Variants in SLC5A4 observed in about 807,000 individuals in gnomAD.
SLC5A4 encodes probable glucose sensor protein SLC5A4.
SLC5A4 carries 55 observed loss-of-function variants against 70.3 expected under a neutral mutation model. The ratio of observed to expected loss-of-function variants is 0.78; its 90% CI spans 0.63 to 0.98. The LOEUF (loss-of-function observed/expected upper bound fraction) is 0.98. Among genes scored for constraint, SLC5A4 ranks in the 50% least tolerant of loss-of-function variants. The pLI is 0.00. For synonymous variants in SLC5A4, 268 were observed against 305.7 expected, an observed-to-expected ratio of 0.88 and a Z score of 1.29; for missense variants, 735 against 839.2, an observed-to-expected ratio of 0.88 and a Z score of 1.53.
At chr22:32,272,452 G>C in the SLC5A4 span, 1 of 812,490 alleles carries the variant, frequency 1.2e-6, no homozygotes, top group Non-Finnish European at 2.1e-6. Context: ...GATGATCAGC[G>C]TCAGGAACTT....
chr22:32,290,044 G>A, the SLC5A4 span, among the ~76,000 whole-genome samples: 6 of 151,400 alleles, frequency 4.0e-5, no homozygotes, highest in Non-Finnish European at 7.4e-5. Flanking sequence ...TTCCTTAAAT[G>A]TTTGGTTGAA....
At chr22:32,319,686 C>G in the SLC5A4 span, among the ~76,000 whole-genome samples, 1 of 152,218 alleles carries the variant, frequency 6.6e-6, no homozygotes, top group African/African-American at 2.4e-5. Context: ...CCCAGATAAA[C>G]CCAAGGCTGA....
intron 10 of SLC5A4, 36 bp downstream of exon 10, chr22:32,230,932 G>T: frequency 7.4e-7 from 1 of 1,343,436 alleles, no homozygotes; most frequent in Non-Finnish European, 1.1e-6. Context: ...TCTTAGACAG[G>T]CCTCTGGGGC....
At chr22:32,222,056 C>G (rs2123863677) in intron 13 of SLC5A4, among the ~76,000 whole-genome samples, 1 of 152,328 alleles carries the variant, frequency 6.6e-6, no homozygotes, top group Non-Finnish European at 1.5e-5. Context: ...TGCGCCCAGC[C>G]TATCAATGGT....
rs561717943 is a variant in SLC5A4, at chr22:32,218,536, A to G, written c.1958T>C (p.Phe653Ser). The G allele has an allele frequency of 3.1e-6, 5 of 1,613,618 alleles. No individual in the cohort carries two copies. In the African/African-American group the frequency reaches 5.3e-5, roughly 17 times the overall value. The change falls in exon 15 of 15, where the codon TTT becomes TCT. Residue 653 changes from phenylalanine (F) to serine (S), a missense_variant. Transcript: ENST00000266086. ...NAILLLAVVV[F>S]IHGYYA The stretch of plus-strand genomic sequence containing the variant: ...AGTTCAGGCATAGTAGCCGTGAATA[A>G]AGACCACCACAGCCAGGAGGAGGAT...
chr22:32,226,766 G>A (rs1360148433), intron 11 of SLC5A4, among the ~76,000 whole-genome samples: 4 of 151,948 alleles, frequency 2.6e-5, no homozygotes, highest in Non-Finnish European at 5.9e-5. Flanking sequence ...ATAAAATCCC[G>A]TCTTGTTATG....
Position 32,234,887 on chromosome 22 carries a change from A to C in SLC5A4, c.871T>G (p.Trp291Gly), listed in dbSNP as rs567563407. ...FGMPITALWYWCTNQVIVQRC... is the reference protein window; with the variant it reads ...FGMPITALWYGCTNQVIVQRC... ...ATATACTTCACCTGATTTGTGCACC[A>C]GTACCACAAAGCTGTAATGGGCATT... The change falls in exon 8 of 15, where the codon TGG becomes GGG. Residue 291 changes from tryptophan (W) to glycine (G), a missense_variant. Transcript: ENST00000266086. The C allele has an allele frequency of 1.4e-5, 23 of 1,610,056 alleles. No individual in the cohort carries two copies. In the East Asian group the frequency reaches 4.0e-4, roughly 28 times the overall value.
chr22:32,296,451 CTCTG>C, the SLC5A4 span, among the ~76,000 whole-genome samples: 2 of 67,742 alleles, frequency 3.0e-5, no homozygotes, highest in Non-Finnish European at 5.8e-5. Flanking sequence ...TGATTTGGCT[CTCTG>C]TCTGTTGTTG....
chr22:32,260,086 A>G (rs1197470482), upstream of SLC5A4, among the ~76,000 whole-genome samples: 1 of 152,172 alleles, frequency 6.6e-6, no homozygotes, highest in Non-Finnish European at 1.5e-5. Flanking sequence ...GGGCTTGTAA[A>G]CATTGACCAC....
chr22:32,310,081 T>TGG, the SLC5A4 span, among the ~76,000 whole-genome samples: 1 of 39,352 alleles, frequency 2.5e-5, no homozygotes, highest in African/African-American at 1.3e-4. Context: ...GGACGGGGGA[T>TGG]GGGGGGGGTG....
At chr22:32,308,022 A>G in the SLC5A4 span, among the ~76,000 whole-genome samples, 1 of 152,138 alleles carries the variant, frequency 6.6e-6, no homozygotes, top group African/African-American at 2.4e-5. Flanking sequence ...CAACATTGAT[A>G]AGACATGTTC....
chr22:32,321,598 C>T, the SLC5A4 span, among the ~76,000 whole-genome samples: 1 of 152,120 alleles, frequency 6.6e-6, no homozygotes, highest in Non-Finnish European at 1.5e-5. Context: ...GTTATTTTTT[C>T]CTGGTCCTCC....
the SLC5A4 span, among the ~76,000 whole-genome samples, chr22:32,335,520 C>T: frequency 0.018 from 2,779 of 152,228 alleles, 45 homozygotes; most frequent in Non-Finnish European, 0.029. Context: ...CTAGGCCCTC[C>T]CCACATCCCC....
At chr22:32,314,245 G>GCACACACCTCTATCCAGCATAC in the SLC5A4 span, among the ~76,000 whole-genome samples, 1 of 152,034 alleles carries the variant, frequency 6.6e-6, no homozygotes, top group Non-Finnish European at 1.5e-5. Context: ...TTTCTCCATA[G>GCACACACCTCTATCCAGCATAC]CACACACCTC....
the SLC5A4 span, among the ~76,000 whole-genome samples, chr22:32,328,348 G>T: frequency 6.6e-6 from 1 of 152,128 alleles, no homozygotes; most frequent in African/African-American, 2.4e-5. Context: ...GAGCCAAGTG[G>T]CTCGCTTGTA....
intron 2 of SLC5A4, among the ~76,000 whole-genome samples, chr22:32,252,321 C>T (rs750640527): frequency 6.6e-5 from 10 of 151,986 alleles, no homozygotes; most frequent in Non-Finnish European, 1.5e-4. Context: ...GGCCCCTGGG[C>T]TAATCCAGCC....
the SLC5A4 span, among the ~76,000 whole-genome samples, chr22:32,312,043 C>G: frequency 6.6e-4 from 100 of 152,090 alleles, no homozygotes; most frequent in Non-Finnish European, 1.2e-3. Flanking sequence ...ACCTGCCTCC[C>G]ACGTGGTGAG....
rs796617856 is a variant in SLC5A4, at chr22:32,245,568, C to T, written c.477+1843G>A. Among the ~76,000 whole-genome samples, 12 of 152,118 alleles carry T rather than the reference C, an allele frequency of 7.9e-5. No homozygotes were observed. In the South Asian group the frequency reaches 8.3e-4, roughly 11 times the overall value. ...CGGAGTCTCGCTCTTGTCACTAGGC[C>T]GGAGTGCAGTCGCGCGATCTCGGTT... On this transcript the variant is annotated intron_variant, in intron 5 of 14. Transcript: ENST00000266086.
chr22:32,352,099 G>A, the SLC5A4 span, among the ~76,000 whole-genome samples: 1 of 152,002 alleles, frequency 6.6e-6, no homozygotes. Flanking sequence ...AAAAAATGAT[G>A]AGTTCATGGC....
Sources: gnomAD v4.1 joint callset for allele counts (sites outside exome capture counted in the v4.1 genomes callset) on GRCh38, gnomAD v4.1.1 for gene constraint, MANE v1.5 for transcripts, NCBI Gene and HGNC (gene_info 2026-07-23, HGNC 2026-07-21) for gene names.